KLRG1: variants seen among roughly 807,000 people sequenced by gnomAD.
KLRG1 encodes killer cell lectin like receptor G1.
A neutral mutation model predicts 21.8 loss-of-function variants in KLRG1; 16 were observed. That is an observed-to-expected ratio of 0.73 (90% CI 0.50 to 1.11). KLRG1 has a LOEUF of 1.11. Ranked by LOEUF, KLRG1 falls within the 50% of genes most tolerant of loss-of-function variation. KLRG1 has a pLI of 0.00. For synonymous variants in KLRG1, 69 were observed against 75.9 expected (o/e 0.91, Z 0.47); for missense variants, 173 against 218.3 (o/e 0.79, Z 1.31).
chr12:9,133,537 G>C, the KLRG1 span, among the ~76,000 whole-genome samples: 1 of 152,160 alleles, frequency 6.6e-6, no homozygotes, highest in Admixed American at 6.5e-5. Flanking sequence ...AGAAAAAAAT[G>C]TTTCTTTTCT....
At chr12:9,174,818 A>G in the KLRG1 span, among the ~76,000 whole-genome samples, 1 of 152,214 alleles carries the variant, frequency 6.6e-6, no homozygotes, top group Non-Finnish European at 1.5e-5. Context: ...TAGAGGACAC[A>G]AACAAATGGA....
At chr12:9,171,318 A>G in the KLRG1 span, among the ~76,000 whole-genome samples, 3 of 152,220 alleles carry the variant, frequency 2.0e-5, no homozygotes, top group African/African-American at 7.2e-5. Context: ...AAACAACAGC[A>G]TCAACAAAAA....
At chr12:9,028,981 A>G in the KLRG1 span, 2 of 615,502 alleles carry the variant, frequency 3.2e-6, no homozygotes, top group African/African-American at 1.8e-5. Flanking sequence ...AGCGTTCCCC[A>G]TTGCTCACAA....
chr12:9,034,450 T>G, the KLRG1 span, among the ~76,000 whole-genome samples: 9 of 152,186 alleles, frequency 5.9e-5, no homozygotes, highest in African/African-American at 1.9e-4. Flanking sequence ...ACCATACTTT[T>G]TTTTTTTCTT....
At chr12:9,079,517 A>T in the KLRG1 span, 1 of 1,101,958 alleles carries the variant, frequency 9.1e-7, no homozygotes, top group Admixed American at 2.3e-5. Context: ...GAAATTAACT[A>T]TCATAGCAGC....
At chr12:9,042,984 C>A in the KLRG1 span, among the ~76,000 whole-genome samples, 1 of 151,970 alleles carries the variant, frequency 6.6e-6, no homozygotes, top group Non-Finnish European at 1.5e-5. Context: ...TATGTGCTTC[C>A]TGTTCTCTCA....
intron 2 of KLRG1, among the ~76,000 whole-genome samples, chr12:8,992,544 T>A (rs1289335023): frequency 6.6e-6 from 1 of 151,920 alleles, no homozygotes; most frequent in African/African-American, 2.4e-5. Flanking sequence ...CTGTAGGTGA[T>A]AGATTTGTGT....
chr12:9,141,615 T>C, the KLRG1 span, among the ~76,000 whole-genome samples: 4 of 152,252 alleles, frequency 2.6e-5, no homozygotes, highest in African/African-American at 4.8e-5. Context: ...GCTTAAACCT[T>C]CATTTTTATT....
the KLRG1 span, chr12:9,091,092 A>C: frequency 1.2e-4 from 158 of 1,306,664 alleles, 4 homozygotes; most frequent in South Asian, 2.3e-3. Flanking sequence ...ACAATCATGA[A>C]TATCTAGTAA....
the KLRG1 span, chr12:9,181,978 G>A: frequency 6.2e-7 from 1 of 1,612,972 alleles, no homozygotes; most frequent in East Asian, 2.2e-5. Context: ...CGCTCACCTT[G>A]TTGGCTAGAC....
the KLRG1 span, chr12:9,107,435 C>A: frequency 6.7e-7 from 1 of 1,490,044 alleles, no homozygotes; most frequent in South Asian, 1.2e-5. Context: ...CTAGATTGTT[C>A]TCTTCCTGCG....
At chr12:9,113,385 T>C in the KLRG1 span, 1 of 1,613,438 alleles carries the variant, frequency 6.2e-7, no homozygotes, top group Non-Finnish European at 8.5e-7. Flanking sequence ...GTGGAGTACG[T>C]CATTCTCCGC....
intron 1 of KLRG1, among the ~76,000 whole-genome samples, chr12:8,958,771 C>T (rs1040445929): frequency 2.0e-5 from 3 of 151,296 alleles, no homozygotes; most frequent in South Asian, 2.1e-4. Context: ...GTGGGAGGAT[C>T]GCTTGAGCCC....
the KLRG1 span, chr12:9,116,207 G>T: frequency 2.2e-5 from 7 of 317,066 alleles, no homozygotes; most frequent in East Asian, 4.5e-4. Context: ...CGCCTTTTAT[G>T]GTGCTTCTCA....
chr12:9,015,582 C>G (rs1394268943), downstream of KLRG1, among the ~76,000 whole-genome samples: 3 of 152,184 alleles, frequency 2.0e-5, no homozygotes, highest in Non-Finnish European at 4.4e-5. Flanking sequence ...ACACCCCACT[C>G]TCAGCATTAG....
intron 1 of KLRG1, among the ~76,000 whole-genome samples, chr12:8,969,935 G>A (rs1946539610): frequency 6.6e-6 from 1 of 152,154 alleles, no homozygotes; most frequent in Non-Finnish European, 1.5e-5. Context: ...GGGCAACATG[G>A]TGAAACCCCA....
At chr12:9,121,108 A>T in the KLRG1 span, among the ~76,000 whole-genome samples, 41 of 152,120 alleles carry the variant, frequency 2.7e-4, no homozygotes, top group African/African-American at 9.9e-4. This position sits in a 1 kb window ranked among gnomAD's most constrained non-coding sequence, Gnocchi z 4.4. Flanking sequence ...CTAGCCTCAA[A>T]GTCCTGGCCT....
the KLRG1 span, chr12:9,101,694 A>G: frequency 3.2e-6 from 5 of 1,548,638 alleles, no homozygotes; most frequent in Admixed American, 1.8e-5. Flanking sequence ...TAGAAAAATT[A>G]TATTATTTTT....
At chr12:9,027,438 A>C in the KLRG1 span, 1 of 625,652 alleles carries the variant, frequency 1.6e-6, no homozygotes, top group Non-Finnish European at 2.9e-6. Flanking sequence ...CCTTGCCACC[A>C]CTGTGCTTGG....
Sources: gnomAD v4.1 joint callset for allele counts (sites outside exome capture counted in the v4.1 genomes callset) on GRCh38, gnomAD v4.1.1 for gene constraint, Gnocchi (gnomAD v3.1) non-coding constraint, MANE v1.5 for transcripts, NCBI Gene and HGNC (gene_info 2026-07-23, HGNC 2026-07-21) for gene names.